NR2F1-AS1: variants seen among roughly 807,000 people sequenced by gnomAD.
The protein encoded by NR2F1-AS1 is NR2F1 antisense RNA 1.
chr5:93,471,661 C>T (rs1750367523), intron 4 of NR2F1-AS1, among the ~76,000 whole-genome samples: 1 of 151,646 alleles, frequency 6.6e-6, no homozygotes, highest in South Asian at 2.1e-4. Flanking sequence ...TTACACTGAA[C>T]TAGTATAAAC....
chr5:93,433,037 T>G (rs150975289), intron 4 of NR2F1-AS1, among the ~76,000 whole-genome samples: 1 of 152,306 alleles, frequency 6.6e-6, no homozygotes, highest in Non-Finnish European at 1.5e-5. Flanking sequence ...TTATTCAACT[T>G]TTAGTAAAGT....
At chr5:93,585,184 C>A (rs779045243), upstream of NR2F1-AS1, 6 of 1,512,788 alleles carry the variant, frequency 4.0e-6, no homozygotes, top group South Asian at 7.4e-5. Context: ...ACGCCGCAGA[C>A]CCCGGGCCAG....
At chr5:93,453,507 A>G (rs950655948) in intron 4 of NR2F1-AS1, among the ~76,000 whole-genome samples, 6 of 152,152 alleles carry the variant, frequency 3.9e-5, no homozygotes, top group Non-Finnish European at 8.8e-5. Context: ...ACATCATAAC[A>G]TAATAATAAT....
At chr5:93,464,870 GA>G (rs1750191548) in intron 4 of NR2F1-AS1, among the ~76,000 whole-genome samples, 1 of 152,176 alleles carries the variant, frequency 6.6e-6, no homozygotes, top group African/African-American at 2.4e-5. Context: ...AAATTGCTAG[GA>G]AAAGTCACCT....
At chr5:93,559,146 A>G (rs1752429467) in intron 2 of NR2F1-AS1, among the ~76,000 whole-genome samples, 1 of 152,208 alleles carries the variant, frequency 6.6e-6, no homozygotes, top group Non-Finnish European at 1.5e-5. Flanking sequence ...GTTTGTTGTA[A>G]CCACTTTTGT....
intron 4 of NR2F1-AS1, among the ~76,000 whole-genome samples, chr5:93,474,892 G>A (rs531829806): frequency 6.6e-6 from 1 of 152,124 alleles, no homozygotes; most frequent in Non-Finnish European, 1.5e-5. Context: ...TTGGGTGGCC[G>A]AGGCAGGCAG....
At chr5:93,506,984 C>T (rs114299117) in intron 4 of NR2F1-AS1, among the ~76,000 whole-genome samples, 213 of 152,310 alleles carry the variant, frequency 1.4e-3, no homozygotes, top group Middle Eastern at 0.01. Context: ...TCTACATACA[C>T]ATATCTACTT....
chr5:93,448,894 A>T (rs1749772673), intron 4 of NR2F1-AS1, among the ~76,000 whole-genome samples: 1 of 152,224 alleles, frequency 6.6e-6, no homozygotes, highest in African/African-American at 2.4e-5. Flanking sequence ...CCCAGAATTG[A>T]GTCTGACCAA....
intron 4 of NR2F1-AS1, among the ~76,000 whole-genome samples, chr5:93,544,423 C>T (rs1752028632): frequency 6.6e-6 from 1 of 152,018 alleles, no homozygotes; most frequent in Non-Finnish European, 1.5e-5. Flanking sequence ...TGGGTTGGCA[C>T]ATTATATAAT....
intron 4 of NR2F1-AS1, among the ~76,000 whole-genome samples, chr5:93,495,445 TAGAG>T (rs941443825): frequency 6.6e-6 from 1 of 152,102 alleles, no homozygotes; most frequent in African/African-American, 2.4e-5. Flanking sequence ...AAAATGCAAA[TAGAG>T]AGAGAACCTC....
intron 4 of NR2F1-AS1, among the ~76,000 whole-genome samples, chr5:93,515,226 G>T (rs1751376973): frequency 6.6e-6 from 1 of 151,654 alleles, no homozygotes; most frequent in African/African-American, 2.4e-5. Flanking sequence ...TTTTTAAATT[G>T]ATTTCAAATC....
intron 4 of NR2F1-AS1, chr5:93,543,633 G>C (rs1752007308): frequency 6.6e-6 from 1 of 152,108 alleles, no homozygotes; most frequent in Non-Finnish European, 1.5e-5. Context: ...GTTCCAGAAG[G>C]ACAGAAGAAA....
chr5:93,499,030 A>G (rs1382576952), intron 4 of NR2F1-AS1, among the ~76,000 whole-genome samples: 2 of 152,216 alleles, frequency 1.3e-5, no homozygotes, highest in Non-Finnish European at 2.9e-5. Context: ...AGGAGAAAAA[A>G]GGATGAGAAT....
chr5:93,410,525 A>G (rs1748832333), intron 4 of NR2F1-AS1: 1 of 152,170 alleles, frequency 6.6e-6, no homozygotes, highest in African/African-American at 2.4e-5. Flanking sequence ...CGCAAACCCT[A>G]CTGTGAACTG....
intron 1 of NR2F1-AS1, among the ~76,000 whole-genome samples, chr5:93,574,918 T>C (rs1752862378): frequency 6.6e-6 from 1 of 152,154 alleles, no homozygotes; most frequent in Non-Finnish European, 1.5e-5. Flanking sequence ...AACATATCCG[T>C]TGGGGTTCAG....
chr5:93,560,790 T>C (rs960334689), intron 2 of NR2F1-AS1, among the ~76,000 whole-genome samples: 23 of 152,366 alleles, frequency 1.5e-4, no homozygotes, highest in African/African-American at 5.5e-4. Context: ...CAAAAGGACC[T>C]TGTTATATCA....
chr5:93,463,918 T>C (rs1032578929), intron 4 of NR2F1-AS1, among the ~76,000 whole-genome samples: 1 of 152,182 alleles, frequency 6.6e-6, no homozygotes, highest in Non-Finnish European at 1.5e-5. Context: ...AGAAGGGACT[T>C]GCCTTGTCTC....
intron 1 of NR2F1-AS1, among the ~76,000 whole-genome samples, chr5:93,563,782 A>T (rs1752548207): frequency 6.6e-6 from 1 of 152,102 alleles, no homozygotes; most frequent in African/African-American, 2.4e-5. Context: ...CAGACAAATA[A>T]ATGTGTTACC....
intron 4 of NR2F1-AS1, among the ~76,000 whole-genome samples, chr5:93,415,778 G>A (rs561275825): frequency 8.5e-4 from 130 of 152,270 alleles, no homozygotes; most frequent in South Asian, 2.7e-3. Flanking sequence ...TTTATAACAC[G>A]TTTATGATTG....
Sources: allele counts gnomAD v4.1 joint callset (sites outside exome capture counted in the v4.1 genomes callset), GRCh38; gene constraint gnomAD v4.1.1; transcripts MANE v1.5; gene names NCBI Gene and HGNC (gene_info 2026-07-23, HGNC 2026-07-21).